The following DDAH1 variants were observed in gnomAD, a reference collection of about 807,000 sequenced individuals.
DDAH1 encodes the protein N(G),N(G)-dimethylarginine dimethylaminohydrolase 1.
A neutral mutation model predicts 28.8 loss-of-function variants in DDAH1; 19 were observed. That is an observed-to-expected ratio of 0.66 (90% CI 0.46 to 0.97). The LOEUF (loss-of-function observed/expected upper bound fraction) is 0.97. Ranked by LOEUF, DDAH1 falls within the 50% of genes least tolerant of loss-of-function variation. The pLI is 0.00. For missense variants in DDAH1, 326 were observed against 375.9 expected, an observed-to-expected ratio of 0.87 and a Z score of 1.10; for synonymous variants, 153 against 154.4, an observed-to-expected ratio of 0.99 and a Z score of 0.07.
chr1:85,374,000 T>C (rs1040428749), intron 1 of DDAH1, among the ~76,000 whole-genome samples: 3 of 152,158 alleles, frequency 2.0e-5, no homozygotes, highest in Non-Finnish European at 4.4e-5. Flanking sequence ...AAACTTCATC[T>C]ACTACCTACA....
intron 4 of DDAH1, among the ~76,000 whole-genome samples, chr1:85,335,981 A>ATAAAG (rs1648087958): frequency 3.2e-5 from 2 of 61,796 alleles, no homozygotes; most frequent in African/African-American, 1.1e-4. Context: ...ATAAAATAAA[A>ATAAAG]TAAAATAAAA....
chr1:85,327,771 A>T (rs233126), intron 4 of DDAH1, among the ~76,000 whole-genome samples: 8,102 of 152,260 alleles, frequency 0.053, 744 homozygotes, highest in African/African-American at 0.19. Context: ...TCTGAAGATT[A>T]TTTAAAAAAA....
At chr1:85,520,465 A>G (rs1657643778) in intron 1 of DDAH1, among the ~76,000 whole-genome samples, 1 of 152,226 alleles carries the variant, frequency 6.6e-6, no homozygotes, top group Admixed American at 6.5e-5. Context: ...GAACAGTTGC[A>G]CTAGGTTAAG....
At chr1:85,417,816 A>G in intron 1 of DDAH1, among the ~76,000 whole-genome samples, 1 of 152,222 alleles carries the variant, frequency 6.6e-6, no homozygotes, top group East Asian at 1.9e-4. Context: ...ATCAACTGCA[A>G]GATAATTGAA....
rs534570554 is a variant in DDAH1, at chr1:85,425,436, A to G, written c.303+39307T>C. On this transcript the variant is annotated intron_variant, in intron 1 of 5. Coordinates refer to ENST00000284031, the MANE Select transcript of DDAH1 (RefSeq NM_012137.4). ...TATATTTCTTCGATGGATAAATCAG[A>G]GCTAGACTTTCCTCATCTATAAGGA... is the stretch of plus-strand genomic sequence containing the variant. 2.0e-5 allele frequency among the ~76,000 whole-genome samples: 3 copies of G among 152,280 alleles called. No individual in the cohort carries two copies. In the East Asian group the frequency reaches 5.8e-4, roughly 29 times the overall value.
intron 4 of DDAH1, among the ~76,000 whole-genome samples, chr1:85,346,223 C>G (rs1171491459): frequency 6.6e-6 from 1 of 152,160 alleles, no homozygotes; most frequent in Non-Finnish European, 1.5e-5. Flanking sequence ...CAGGAAGGCA[C>G]AATTCACCTC....
intron 2 of DDAH1, among the ~76,000 whole-genome samples, chr1:85,474,617 T>A (rs984275968): frequency 6.6e-6 from 1 of 152,138 alleles, no homozygotes; most frequent in African/African-American, 2.4e-5. Context: ...CTGTTTTGAC[T>A]CCTATGACAA....
chr1:85,510,272 T>G (rs1657175802), intron 1 of DDAH1, among the ~76,000 whole-genome samples: 1 of 152,118 alleles, frequency 6.6e-6, no homozygotes, highest in South Asian at 2.1e-4. Flanking sequence ...GAAGGAGAAA[T>G]AAAATCCTTT....
chr1:85,381,432 G>A (rs2100908782), intron 1 of DDAH1, among the ~76,000 whole-genome samples: 1 of 150,734 alleles, frequency 6.6e-6, no homozygotes, highest in South Asian at 2.1e-4. Flanking sequence ...TGAGATTTTG[G>A]TGCACCTGTC....
chr1:85,471,433 C>T (rs1256167755), intron 2 of DDAH1, among the ~76,000 whole-genome samples: 1 of 152,158 alleles, frequency 6.6e-6, no homozygotes, highest in Admixed American at 6.5e-5. Flanking sequence ...TACCAGGGCC[C>T]TCACTTATAA....
chr1:85,356,504 C>G (rs566825987), intron 2 of DDAH1, among the ~76,000 whole-genome samples: 133 of 152,292 alleles, frequency 8.7e-4, no homozygotes, highest in African/African-American at 3.0e-3. Context: ...ATTAATGTCA[C>G]TTGAATTGTA....
At chr1:85,395,058 G>A (rs1651742809) in intron 1 of DDAH1, among the ~76,000 whole-genome samples, 2 of 152,186 alleles carry the variant, frequency 1.3e-5, no homozygotes, top group South Asian at 4.1e-4. Context: ...TATACCAAGA[G>A]AAAGTAAAAT....
intron 1 of DDAH1, among the ~76,000 whole-genome samples, chr1:85,421,896 A>G (rs1366427593): frequency 6.6e-6 from 1 of 152,214 alleles, no homozygotes; most frequent in Non-Finnish European, 1.5e-5. Context: ...TGCTATAAAC[A>G]TTCACATGCA....
rs985973878 is a variant in DDAH1, at chr1:85,404,612, C to T, written c.304-45765G>A. 1.1e-5 allele frequency: 12 copies of T among 1,125,872 alleles called. No individual in the cohort carries two copies. In the South Asian group the frequency reaches 1.9e-4, roughly 18 times the overall value. The allele number at this position is 1,125,872 out of a possible 1,614,324, so 69.7% of individuals were successfully genotyped here. ...GAATACAGAGCATGTCTGCTGAAAC[C>T]GAATCCAAGAGTTCAATGATACTGT... On this transcript the variant is annotated intron_variant, in intron 1 of 5. Transcript: ENST00000284031.
At chr1:85,511,877 A>C (rs555275819) in intron 1 of DDAH1, among the ~76,000 whole-genome samples, 2 of 152,360 alleles carry the variant, frequency 1.3e-5, no homozygotes, top group Admixed American at 1.3e-4. Flanking sequence ...AACCAAAAAA[A>C]GTCCAGGACC....
chr1:85,412,563 CT>C (rs774238282), intron 1 of DDAH1, among the ~76,000 whole-genome samples: 4 of 152,320 alleles, frequency 2.6e-5, no homozygotes, highest in Middle Eastern at 6.8e-3. Flanking sequence ...TTATTTCCCC[CT>C]AATCCCACCT....
intron 1 of DDAH1, among the ~76,000 whole-genome samples, chr1:85,561,705 G>C (rs1659145411): frequency 6.6e-6 from 1 of 152,090 alleles, no homozygotes; most frequent in Non-Finnish European, 1.5e-5. Context: ...AATTAAAATG[G>C]TATAACATGT....
chr1:85,378,375 T>C (rs1650794614), intron 1 of DDAH1, among the ~76,000 whole-genome samples: 1 of 152,088 alleles, frequency 6.6e-6, no homozygotes. Context: ...AGTAAAGGAG[T>C]ACCCTCTCTA....
intron 3 of DDAH1, among the ~76,000 whole-genome samples, 167 bp downstream of exon 3, chr1:85,351,339 T>G (rs1286948914): frequency 6.6e-6 from 1 of 152,230 alleles, no homozygotes; most frequent in Non-Finnish European, 1.5e-5. Context: ...TATTGAGGAA[T>G]TTGAATTTTA....
Sources: allele counts gnomAD v4.1 joint callset (sites outside exome capture counted in the v4.1 genomes callset), GRCh38; gene constraint gnomAD v4.1.1; transcripts MANE v1.5; gene names NCBI Gene and HGNC (gene_info 2026-07-23, HGNC 2026-07-21).